Variants in TINAG observed in about 807,000 individuals in gnomAD.
The protein encoded by TINAG is tubulointerstitial nephritis antigen.
TINAG carries 83 observed loss-of-function variants against 72.7 expected under a neutral mutation model. That is an observed-to-expected ratio of 1.14 (90% confidence interval 0.96 to 1.37). TINAG has a LOEUF of 1.37. Among genes scored for constraint, TINAG ranks in the 40% most tolerant of loss-of-function variants. The probability of loss-of-function intolerance (pLI) is 0.00; values close to 1 mark genes in which losing one functional copy is unlikely to be tolerated. For missense variants in TINAG, 685 were observed against 576.6 expected, an observed-to-expected ratio of 1.19 and a Z score of -1.93; for synonymous variants, 234 against 189.9, an observed-to-expected ratio of 1.23 and a Z score of -1.91.
chr6:54,316,709 A>G (rs2150932200), intron 1 of TINAG, among the ~76,000 whole-genome samples: 1 of 152,304 alleles, frequency 6.6e-6, no homozygotes, highest in South Asian at 2.1e-4. Flanking sequence ...ATAGATACTT[A>G]TAATACACTG....
chr6:54,379,829 G>A (rs12209833), intron 9 of TINAG, among the ~76,000 whole-genome samples: 59,022 of 149,314 alleles, frequency 0.4, 13,510 homozygotes, highest in Middle Eastern at 0.56. Flanking sequence ...TGTGTAGAAC[G>A]TGCAGGTTTG....
chr6:54,380,475 C>A, intron 9 of TINAG, 51 bp from the exon 10 acceptor site: 1 of 1,503,394 alleles, frequency 6.7e-7, no homozygotes, highest in Non-Finnish European at 9.2e-7. Context: ...TCTCAAGAAG[C>A]AAACCAAACA....
Position 54,367,586 on chromosome 6 carries a change from G to C in TINAG, c.1251-12940G>C, listed in dbSNP as rs190669567. 4.0e-5 allele frequency among the ~76,000 whole-genome samples: 6 copies of C among 151,852 alleles called. No homozygotes were observed. In the East Asian group the frequency reaches 1.2e-3, roughly 30 times the overall value. The stretch of plus-strand genomic sequence containing the variant: ...GTAGAGATGGTACAAGTGAAAACTG[G>C]AGTAGAAAATGGCCCAGAATTAAAG... On this transcript the variant is annotated intron_variant, in intron 9 of 10. Transcript: ENST00000259782.
intron 4 of TINAG, 46 bp downstream of exon 4, chr6:54,326,962 T>G (rs776783984): frequency 6.2e-7 from 1 of 1,609,344 alleles, no homozygotes; most frequent in Non-Finnish European, 8.5e-7. Flanking sequence ...TTTGTAAAAG[T>G]GTGTTTGTGT....
At chr6:54,360,917 G>A (rs895814961) in intron 9 of TINAG, among the ~76,000 whole-genome samples, 1 of 125,272 alleles carries the variant, frequency 8.0e-6, no homozygotes, top group African/African-American at 3.0e-5. Flanking sequence ...AAGTCTGAAG[G>A]TATCATCTTT....
At chr6:54,333,294 AG>A (rs1419262186) in intron 4 of TINAG, among the ~76,000 whole-genome samples, 1 of 152,224 alleles carries the variant, frequency 6.6e-6, no homozygotes, top group Non-Finnish European at 1.5e-5. Context: ...AGCCATAAAA[AG>A]GATGAGTTTA....
chr6:54,308,512 A>T lies in TINAG; in HGVS notation c.-39A>T, dbSNP rs1784161167. On this transcript the variant is annotated 5_prime_UTR_variant, in exon 1 of 11. Coordinates refer to ENST00000259782, the MANE Select transcript of TINAG (RefSeq NM_014464.4). Reference sequence around the variant, plus strand: ...AAGCCCACAAGGCTAAGGGTATTGGATATAACGGAAAGTGGAAGCTATACC... The same window carrying T: ...AAGCCCACAAGGCTAAGGGTATTGGTTATAACGGAAAGTGGAAGCTATACC... 1.3e-6 allele frequency: 2 copies of T among 1,544,086 alleles called. No homozygotes were observed. Among genetic ancestry groups the T allele is most frequent in the Admixed American group, 1.8e-5 (1 of 54,702 alleles).
intron 4 of TINAG, among the ~76,000 whole-genome samples, chr6:54,341,321 A>C (rs1204686495): frequency 6.6e-6 from 1 of 152,142 alleles, no homozygotes; most frequent in Non-Finnish European, 1.5e-5. Context: ...TACCCAGAGC[A>C]ATAAATGTAT....
chr6:54,357,608 C>CT (rs1347398539), intron 9 of TINAG, among the ~76,000 whole-genome samples: 1 of 151,876 alleles, frequency 6.6e-6, no homozygotes, highest in Non-Finnish European at 1.5e-5. Context: ...TGGAGTCATC[C>CT]TTTATTCCTT....
At chr6:54,369,350 A>G (rs1250590667) in intron 9 of TINAG, among the ~76,000 whole-genome samples, 1 of 151,980 alleles carries the variant, frequency 6.6e-6, no homozygotes, top group Admixed American at 6.6e-5. Context: ...ACACTATTAT[A>G]CACATTAAAA....
chr6:54,372,769 T>C (rs3996977), intron 9 of TINAG, among the ~76,000 whole-genome samples: 42,247 of 131,966 alleles, frequency 0.32, 7,084 homozygotes, highest in African/African-American at 0.47. Context: ...TATATATATA[T>C]ATACACACAC....
At chr6:54,360,840 T>C (rs911516336) in intron 9 of TINAG, among the ~76,000 whole-genome samples, 2 of 119,908 alleles carry the variant, frequency 1.7e-5, no homozygotes, top group Non-Finnish European at 3.5e-5. Flanking sequence ...ACAGATACTG[T>C]GTTTTTTTTT....
At chr6:54,347,632 C>A in intron 6 of TINAG, 115 bp downstream of exon 6, 1 of 1,002,472 alleles carries the variant, frequency 1.0e-6, no homozygotes, top group Non-Finnish European at 1.4e-6. Flanking sequence ...ATATATACTA[C>A]ATCTACATGA....
chr6:54,372,844 G>T (rs1050271725), intron 9 of TINAG, among the ~76,000 whole-genome samples: 28 of 150,022 alleles, frequency 1.9e-4, no homozygotes, highest in African/African-American at 2.9e-4. Flanking sequence ...GGCATATGTT[G>T]CTATGGCAAT....
At chr6:54,366,346 C>T (rs1013108407) in intron 9 of TINAG, among the ~76,000 whole-genome samples, 7 of 151,368 alleles carry the variant, frequency 4.6e-5, no homozygotes, top group African/African-American at 1.5e-4. Flanking sequence ...CAAACAATTG[C>T]TCTGTTCCCT....
intron 9 of TINAG, among the ~76,000 whole-genome samples, chr6:54,357,406 C>A (rs1009480829): frequency 6.6e-6 from 1 of 151,916 alleles, no homozygotes; most frequent in Non-Finnish European, 1.5e-5. Context: ...CTTTCCTGAA[C>A]TCCAGACTCA....
intron 10 of TINAG, among the ~76,000 whole-genome samples, chr6:54,387,445 C>G (rs1764128624): frequency 6.6e-6 from 1 of 150,644 alleles, no homozygotes; most frequent in Non-Finnish European, 1.5e-5. Flanking sequence ...AGATGAATCC[C>G]AGAAACATTA....
At chr6:54,384,578 T>A (rs780500782) in intron 10 of TINAG, among the ~76,000 whole-genome samples, 6 of 152,090 alleles carry the variant, frequency 3.9e-5, no homozygotes, top group Non-Finnish European at 7.4e-5. Context: ...AAATGCTGGA[T>A]AAAATAATAA....
intron 4 of TINAG, among the ~76,000 whole-genome samples, chr6:54,328,029 T>A (rs895268814): frequency 2.6e-5 from 4 of 152,146 alleles, no homozygotes; most frequent in Non-Finnish European, 5.9e-5. Context: ...AAGGGGCAGC[T>A]GTGGGAGCAG....
Sources: gnomAD v4.1 joint callset for allele counts (sites outside exome capture counted in the v4.1 genomes callset) on GRCh38, gnomAD v4.1.1 for gene constraint, MANE v1.5 for transcripts, NCBI Gene and HGNC (gene_info 2026-07-23, HGNC 2026-07-21) for gene names.